DCC: variants seen among roughly 807,000 people sequenced by gnomAD.
DCC encodes the protein netrin receptor DCC.
DCC carries 58 observed loss-of-function variants against 172.5 expected under a neutral mutation model. That is an observed-to-expected ratio of 0.34 (90% CI 0.27 to 0.42). The LOEUF (loss-of-function observed/expected upper bound fraction) is 0.42, where lower values mean the gene tolerates loss of function less well. DCC is among the 10% of genes least tolerant of loss of function. DCC has a pLI of 1.00. For missense variants in DCC, 1,740 were observed against 1,791.0 expected, an observed-to-expected ratio of 0.97 and a Z score of 0.51; for synonymous variants, 709 against 644.5, an observed-to-expected ratio of 1.10 and a Z score of -1.52.
At chr18:52,846,568 G>T (rs1230526775) in intron 2 of DCC, among the ~76,000 whole-genome samples, 2 of 144,414 alleles carry the variant, frequency 1.4e-5, no homozygotes, top group East Asian at 2.0e-4. Flanking sequence ...AGATTTAACT[G>T]CTTCCTCCTC....
At chr18:53,459,155 C>T (rs1421013062) in intron 23 of DCC, 77 bp from the exon 24 acceptor site, 5 of 1,198,152 alleles carry the variant, frequency 4.2e-6, no homozygotes, top group Middle Eastern at 2.3e-4. Flanking sequence ...CTGCTTCTAA[C>T]TTGAATTGAC....
At chr18:53,075,753 T>C (rs1445013561) in intron 7 of DCC, among the ~76,000 whole-genome samples, 1 of 152,170 alleles carries the variant, frequency 6.6e-6, no homozygotes, top group African/African-American at 2.4e-5. Flanking sequence ...CTTATATGTA[T>C]ACACAGAAAG....
chr18:52,648,322 G>A (rs1188945825), intron 1 of DCC, among the ~76,000 whole-genome samples: 3 of 152,200 alleles, frequency 2.0e-5, no homozygotes, highest in Non-Finnish European at 4.4e-5. Flanking sequence ...GTGAGAACCA[G>A]TTGTTAAACA....
At chr18:53,478,453 T>C (rs185934793) in intron 25 of DCC, among the ~76,000 whole-genome samples, 24 of 152,296 alleles carry the variant, frequency 1.6e-4, no homozygotes, top group Admixed American at 5.9e-4. Flanking sequence ...AGGATATAGA[T>C]TGAAGCAGAT....
chr18:52,612,644 C>T (rs1013616276), intron 1 of DCC, among the ~76,000 whole-genome samples: 7 of 152,172 alleles, frequency 4.6e-5, no homozygotes, highest in African/African-American at 1.7e-4. Flanking sequence ...GGACTCTAGA[C>T]ATACTTGTCT....
intron 5 of DCC, among the ~76,000 whole-genome samples, chr18:52,970,691 G>A (rs976244113): frequency 6.6e-6 from 1 of 152,174 alleles, no homozygotes; most frequent in Admixed American, 6.5e-5. Flanking sequence ...ATAGCATGGG[G>A]TGGGGAGGTA....
chr18:53,481,612 A>C (rs1301193919), intron 25 of DCC, among the ~76,000 whole-genome samples: 1 of 152,174 alleles, frequency 6.6e-6, no homozygotes, highest in Non-Finnish European at 1.5e-5. Context: ...ATTTCAGTTA[A>C]GCTCTTTCAT....
At chr18:53,435,639 TG>T (rs1461017970) in intron 22 of DCC, among the ~76,000 whole-genome samples, 1 of 152,226 alleles carries the variant, frequency 6.6e-6, no homozygotes, top group Non-Finnish European at 1.5e-5. Flanking sequence ...CTTGGATTTT[TG>T]CCTGCAGGGT....
chr18:53,361,355 A>T (rs533026295), intron 15 of DCC, among the ~76,000 whole-genome samples: 3 of 152,112 alleles, frequency 2.0e-5, no homozygotes, highest in Non-Finnish European at 4.4e-5. Context: ...TTTCCCCCCC[A>T]ATCTCCTAAA....
At chr18:52,876,772 G>T (rs1040046582) in intron 2 of DCC, among the ~76,000 whole-genome samples, 2 of 152,136 alleles carry the variant, frequency 1.3e-5, no homozygotes, top group African/African-American at 4.8e-5. Flanking sequence ...TACATGCATT[G>T]TGCTCAGGAG....
chr18:52,730,600 C>T (rs1257356089), intron 1 of DCC, among the ~76,000 whole-genome samples: 1 of 152,180 alleles, frequency 6.6e-6, no homozygotes, highest in African/African-American at 2.4e-5. Flanking sequence ...ACGACTGGCA[C>T]TGTTCAGTGA....
chr18:53,256,527 T>C (rs1198540084), intron 12 of DCC, among the ~76,000 whole-genome samples: 2 of 152,196 alleles, frequency 1.3e-5, no homozygotes, highest in African/African-American at 2.4e-5. Context: ...GGTTGTAATA[T>C]GCGGCATTAT....
rs112027596 is a variant in DCC, at chr18:52,780,049, T to TTCAC, written c.412+27678_412+27679insCTCA. ...CCAATCTATGGATATAATTTACTACTTCATCGTGGCCTTTTATACCTTTAT... is the reference window on the plus strand; with the variant it reads ...CCAATCTATGGATATAATTTACTACTTCACTCATCGTGGCCTTTTATACCTTTAT... On this transcript the variant is annotated intron_variant, in intron 2 of 28. Coordinates refer to ENST00000442544, the MANE Select transcript of DCC (RefSeq NM_005215.4). Among the ~76,000 whole-genome samples the TTCAC allele has an allele frequency of 8.4e-3, 1,103 of 131,022 alleles. 17 individuals are homozygous for TTCAC. The highest frequency in any genetic ancestry group is 0.033 in the African/African-American group (1,035 of 31,704). 86.0% of individuals were successfully genotyped at this position (131,022 alleles called of 152,430 possible). A position where few individuals can be genotyped will look rare whatever the true frequency, so the allele number is the denominator to read the frequency against.
At chr18:52,861,281 C>A (rs2039138397) in intron 2 of DCC, among the ~76,000 whole-genome samples, 1 of 152,124 alleles carries the variant, frequency 6.6e-6, no homozygotes, top group Admixed American at 6.5e-5. Flanking sequence ...ACCAGGCCAG[C>A]CTTTCCAAGG....
chr18:53,397,385 A>G lies in DCC; in HGVS notation c.2766A>G (p.Val922=). The G allele has an allele frequency of 6.2e-7, 1 of 1,614,010 alleles. No individual in the cohort carries two copies. Among genetic ancestry groups the G allele is most frequent in the Non-Finnish European group, 8.5e-7 (1 of 1,179,948 alleles). The change falls in exon 18 of 29, where the codon GTA becomes GTG. Residue 922 remains valine (V), a synonymous_variant. Transcript: ENST00000442544. ...CAATGTATGAATTCTCGGTCATGGT[A>G]ACAAAAAACAGAAGGTCCAGTACTT... The part of the protein sequence containing the change: ...PNTMYEFSVM[V]TKNRRSSTWS...
At chr18:52,806,890 G>C (rs1226169573) in intron 2 of DCC, among the ~76,000 whole-genome samples, 1 of 152,140 alleles carries the variant, frequency 6.6e-6, no homozygotes, top group Non-Finnish European at 1.5e-5. Context: ...CAGGCATCCT[G>C]TTTCCTAAAG....
At chr18:53,220,384 T>C (rs575687509) in intron 12 of DCC, among the ~76,000 whole-genome samples, 1 of 152,250 alleles carries the variant, frequency 6.6e-6, no homozygotes, top group South Asian at 2.1e-4. Flanking sequence ...TTCTCTCCTG[T>C]ATGTTGTATG....
At chr18:52,710,254 TATTAA>T (rs1361556171) in intron 1 of DCC, among the ~76,000 whole-genome samples, 2 of 152,258 alleles carry the variant, frequency 1.3e-5, no homozygotes, top group African/African-American at 4.8e-5. Context: ...ATCATGCAGC[TATTAA>T]ATTATCACCA....
In DCC at chr18:52,786,192, C is replaced by G. The variant is rs79954978; in HGVS notation, c.412+33818C>G. 2.1e-3 allele frequency among the ~76,000 whole-genome samples: 313 copies of G among 152,122 alleles called. 10 individuals are homozygous for G. The East Asian group carries it at 0.05, about 24-fold the overall frequency. Reference sequence around the variant, plus strand: ...TGGTTTTATTTTCCTAAACAAAACTCCAGGTTATGGGCATCCTATTTACTT... The same window carrying G: ...TGGTTTTATTTTCCTAAACAAAACTGCAGGTTATGGGCATCCTATTTACTT... On this transcript the variant is annotated intron_variant, in intron 2 of 28. Coordinates refer to ENST00000442544, the MANE Select transcript of DCC (RefSeq NM_005215.4).
Sources: allele counts gnomAD v4.1 joint callset (sites outside exome capture counted in the v4.1 genomes callset), GRCh38; gene constraint gnomAD v4.1.1; transcripts MANE v1.5; gene names NCBI Gene and HGNC (gene_info 2026-07-23, HGNC 2026-07-21).